DENND4C: variants seen among roughly 807,000 people sequenced by gnomAD.
The protein encoded by DENND4C is DENN domain containing 4C.
DENND4C carries 108 observed loss-of-function variants against 203.0 expected under a neutral mutation model. The ratio of observed to expected loss-of-function variants is 0.53; its 90% CI spans 0.46 to 0.62. The LOEUF (loss-of-function observed/expected upper bound fraction) is 0.62, where lower values mean the gene tolerates loss of function less well. Ranked by LOEUF, DENND4C falls within the 20% of genes least tolerant of loss-of-function variation. DENND4C has a pLI of 0.00. For missense variants in DENND4C, 2,481 were observed against 2,301.2 expected, an observed-to-expected ratio of 1.08 and a Z score of -1.60; for synonymous variants, 871 against 792.4, an observed-to-expected ratio of 1.10 and a Z score of -1.67.
At chr9:19,289,549 C>T (rs986053626) in intron 4 of DENND4C, among the ~76,000 whole-genome samples, 1 of 152,112 alleles carries the variant, frequency 6.6e-6, no homozygotes, top group Admixed American at 6.6e-5. Context: ...ATACTGTAGG[C>T]TGGGCATGGT....
rs542544846 is a variant in DENND4C, at chr9:19,270,613, G to C, written c.-17-5545G>C. 2.6e-5 allele frequency among the ~76,000 whole-genome samples: 4 copies of C among 152,258 alleles called. No homozygotes were observed. In the South Asian group the frequency reaches 8.3e-4, roughly 32 times the overall value. On this transcript the variant is annotated intron_variant, in intron 1 of 32. Transcript: ENST00000434457. ...CATTCATCTCTTGATGGTTACTTGG[G>C]TTGTTTTCACCTTTTGGCTATTGTG...
intron 1 of DENND4C, among the ~76,000 whole-genome samples, chr9:19,248,131 G>T (rs12554053): frequency 0.099 from 14,993 of 152,048 alleles, 902 homozygotes; most frequent in South Asian, 0.17. Context: ...GCCCCTCATA[G>T]TTTTTCATCA....
At chr9:19,250,431 T>A (rs1207450484) in intron 1 of DENND4C, among the ~76,000 whole-genome samples, 2 of 152,134 alleles carry the variant, frequency 1.3e-5, no homozygotes, top group Non-Finnish European at 2.9e-5. Flanking sequence ...TTCGCCACGT[T>A]GACCAGGCTG....
At chr9:19,234,169 A>G (rs1402639946) in intron 1 of DENND4C, among the ~76,000 whole-genome samples, 1 of 152,006 alleles carries the variant, frequency 6.6e-6, no homozygotes, top group South Asian at 2.1e-4. Flanking sequence ...GCCTCAGTTT[A>G]TTTAACCATT....
At chr9:19,256,268 T>A (rs1004097580) in intron 1 of DENND4C, among the ~76,000 whole-genome samples, 1 of 151,350 alleles carries the variant, frequency 6.6e-6, no homozygotes, top group East Asian at 1.9e-4. Flanking sequence ...ACTTTATTTT[T>A]AAAAAAATTT....
In DENND4C at chr9:19,369,926, A is replaced by T. The variant is rs766408175; in HGVS notation, c.5614A>T (p.Asn1872Tyr). The change falls in exon 31 of 33, where the codon AAT becomes TAT. Residue 1872 changes from asparagine (N) to tyrosine (Y), a missense_variant. This residue lies in a region of DENND4C where 2,289 missense variants were observed against 2,113.3 expected (regional missense o/e 1.08). Coordinates refer to ENST00000434457, the MANE Select transcript of DENND4C (RefSeq NM_001330640.2). ...CATCAGGCAGAGTATTCAGCACAAT[A>T]ATGTTCTTAAACCCATCAACCTACT... ...ETIRQSIQHN[N>Y]VLKPINLLSQ... The T allele has an allele frequency of 5.0e-6, 8 of 1,614,058 alleles. No individual in the cohort carries two copies. The highest frequency in any genetic ancestry group is 6.8e-6 in the Non-Finnish European group (8 of 1,179,984).
At chr9:19,303,936 C>T (rs145560710) in intron 9 of DENND4C, among the ~76,000 whole-genome samples, 80 of 150,418 alleles carry the variant, frequency 5.3e-4, no homozygotes, top group African/African-American at 1.8e-3. Flanking sequence ...TGGCCTTGAA[C>T]TACTGGCCTC....
chr9:19,290,860 G>A lies in DENND4C; in HGVS notation c.785G>A (p.Gly262Asp). Reference protein sequence around the residue: ...LPVFSTFVLTGSSAKKVYGAA... With the variant: ...LPVFSTFVLTDSSAKKVYGAA... The stretch of plus-strand genomic sequence containing the variant: ...GTTTTTTCAACTTTTGTCTTGACAG[G>A]TTCTTCAGCCAAAAAGGTATGTTTT... The change falls in exon 5 of 33, where the codon GGT (glycine) becomes GAT (aspartate). Residue 262 changes from glycine to aspartate, a missense_variant. Around this residue, in one of 3 missense-constraint regions of DENND4C, gnomAD observed 2,289 missense variants for 2,113.3 expected, o/e 1.08. Transcript: ENST00000434457. The A allele has an allele frequency of 1.2e-6, 2 of 1,613,108 alleles. No individual in the cohort carries two copies. The highest frequency in any genetic ancestry group is 1.7e-6 in the Non-Finnish European group (2 of 1,179,542).
intron 9 of DENND4C, among the ~76,000 whole-genome samples, chr9:19,301,287 T>C (rs1406394819): frequency 6.6e-6 from 1 of 152,186 alleles, no homozygotes; most frequent in Non-Finnish European, 1.5e-5. Context: ...CCATTAGTTG[T>C]TTAATTTAAA....
At chr9:19,285,022 G>C (rs1271427725) in intron 2 of DENND4C, among the ~76,000 whole-genome samples, 1 of 152,046 alleles carries the variant, frequency 6.6e-6, no homozygotes, top group Non-Finnish European at 1.5e-5. Context: ...GTGATCCACC[G>C]GGGGATCCCC....
At chr9:19,288,479 A>G (rs1043628010) in intron 3 of DENND4C, 117 bp from the exon 4 acceptor site, 15 of 510,884 alleles carry the variant, frequency 2.9e-5, no homozygotes, top group South Asian at 2.1e-4. Context: ...AGTTCATTAT[A>G]TAAACGTTTT....
chr9:19,297,637 G>A (rs1436988169), intron 6 of DENND4C, among the ~76,000 whole-genome samples: 4 of 152,064 alleles, frequency 2.6e-5, no homozygotes, highest in Non-Finnish European at 5.9e-5. Context: ...ATTTTTATAG[G>A]TGCAAAAATA....
chr9:19,334,306 C>G (rs1174993599), intron 17 of DENND4C, among the ~76,000 whole-genome samples: 1 of 152,026 alleles, frequency 6.6e-6, no homozygotes, highest in Non-Finnish European at 1.5e-5. Context: ...CTGCCTGGGC[C>G]TCCCAAAATT....
chr9:19,363,687 T>C (rs1247041590), intron 30 of DENND4C, among the ~76,000 whole-genome samples: 2 of 151,966 alleles, frequency 1.3e-5, no homozygotes, highest in Non-Finnish European at 2.9e-5. Flanking sequence ...CATACTAGTA[T>C]TAAGTGAAAT....
chr9:19,308,398 A>C (rs937112904), intron 10 of DENND4C, among the ~76,000 whole-genome samples: 3 of 152,178 alleles, frequency 2.0e-5, no homozygotes, highest in African/African-American at 7.2e-5. Flanking sequence ...TGTGGCTTTA[A>C]TTCACATTTC....
chr9:19,314,936 C>T (rs1266491505), intron 10 of DENND4C, among the ~76,000 whole-genome samples: 1 of 151,518 alleles, frequency 6.6e-6, no homozygotes, highest in Non-Finnish European at 1.5e-5. Context: ...CCGAGGTGGG[C>T]GTATCACATG....
rs759134020 is a variant in DENND4C, at chr9:19,346,469, T to C, written c.3700T>C (p.Leu1234=). Residue 1234 remains leucine (L), a synonymous_variant, in exon 23 of 33, where the codon TTA becomes CTA. Coordinates refer to ENST00000434457, the MANE Select transcript of DENND4C (RefSeq NM_001330640.2). ...AGATCTGAGGAATAAGAGAAGTAGT[T>C]TATATGGTATTGCTAAGGTGGTTCA... The part of the protein sequence containing the change: ...SKDLRNKRSS[L]YGIAKVVQRE... 1.9e-6 allele frequency: 3 copies of C among 1,614,110 alleles called. No homozygotes were observed. In the Admixed American group the frequency reaches 5.0e-5, roughly 27 times the overall value.
intron 3 of DENND4C, 114 bp downstream of exon 3, chr9:19,287,135 TTTTTA>T: frequency 3.1e-6 from 3 of 966,112 alleles, no homozygotes; most frequent in Non-Finnish European, 4.0e-6. Flanking sequence ...ATGATGCTTG[TTTTTA>T]TTTTTCCTAA....
At chr9:19,271,842 C>G (rs1409952358) in intron 1 of DENND4C, among the ~76,000 whole-genome samples, 1 of 147,102 alleles carries the variant, frequency 6.8e-6, no homozygotes, top group African/African-American at 2.5e-5. Context: ...GCACTCCAGC[C>G]TGGGCAAAAA....
Sources: gnomAD v4.1 joint callset for allele counts (sites outside exome capture counted in the v4.1 genomes callset) on GRCh38, gnomAD v4.1.1 for gene constraint, gnomAD v4.1.1 regional missense constraint, MANE v1.5 for transcripts, NCBI Gene and HGNC (gene_info 2026-07-23, HGNC 2026-07-21) for gene names.